CTNNA1: variants seen among roughly 807,000 people sequenced by gnomAD.
CTNNA1 encodes catenin alpha 1.
CTNNA1 carries 37 observed loss-of-function variants against 98.4 expected under a neutral mutation model. The observed-to-expected ratio is 0.38, with a 90% CI of 0.29 to 0.49. The LOEUF (loss-of-function observed/expected upper bound fraction) is 0.49, where lower values mean the gene tolerates loss of function less well. CTNNA1 is among the 20% of genes least tolerant of loss of function. The pLI, the probability that CTNNA1 is intolerant of heterozygous loss-of-function variation, is 0.95. For missense variants in CTNNA1, 761 were observed against 1,147.2 expected (o/e 0.66, Z 4.86); for synonymous variants, 404 against 413.2 (o/e 0.98, Z 0.27).
At chr5:138,783,156 T>C in intron 2 of CTNNA1, 21 bp from the exon 3 acceptor site, 1 of 1,548,184 alleles carries the variant, frequency 6.5e-7, no homozygotes, top group African/African-American at 1.4e-5. Context: ...TCCAGTTTAA[T>C]GTTAAAAATG....
chr5:138,933,255 G>A (rs114831311), intron 17 of CTNNA1, among the ~76,000 whole-genome samples: 146 of 152,240 alleles, frequency 9.6e-4, no homozygotes, highest in Non-Finnish European at 1.5e-3. Flanking sequence ...CTTGGGTAGC[G>A]TCTCTTTCTT....
intron 1 of CTNNA1, among the ~76,000 whole-genome samples, chr5:138,773,039 A>T (rs1403219257): frequency 6.6e-6 from 1 of 152,220 alleles, no homozygotes; most frequent in Non-Finnish European, 1.5e-5. Flanking sequence ...AGGATAAGTG[A>T]CAGTGCTGGT....
intron 7 of CTNNA1, among the ~76,000 whole-genome samples, chr5:138,868,285 G>T (rs1764991997): frequency 6.6e-6 from 1 of 152,208 alleles, no homozygotes; most frequent in Admixed American, 6.5e-5. Flanking sequence ...GGAGCAGGGG[G>T]TTGGCACCCC....
In CTNNA1 at chr5:138,933,788, T is replaced by C. The variant is rs2150358040; in HGVS notation, c.2434-14T>C. The C allele has an allele frequency of 1.9e-6, 3 of 1,610,378 alleles. No homozygotes were observed. The highest frequency in any genetic ancestry group is 1.3e-5 in the African/African-American group (1 of 74,986). Reference sequence around the variant, plus strand: ...TCAGGCCGGTGCTTCTTACCACCCCTGTCTGCCTCGTAGGTGGACAGCGCC... The same window carrying C: ...TCAGGCCGGTGCTTCTTACCACCCCCGTCTGCCTCGTAGGTGGACAGCGCC... On this transcript the variant is annotated splice_polypyrimidine_tract_variant and intron_variant, in intron 17 of 17. Coordinates refer to ENST00000302763, the MANE Select transcript of CTNNA1 (RefSeq NM_001903.5).
At chr5:138,887,891 A>G (rs572584149) in intron 9 of CTNNA1, among the ~76,000 whole-genome samples, 14 of 152,196 alleles carry the variant, frequency 9.2e-5, no homozygotes, top group Non-Finnish European at 1.5e-4. Context: ...CTTAATGCAA[A>G]TAAAGATAAA....
intron 7 of CTNNA1, among the ~76,000 whole-genome samples, chr5:138,864,354 T>C (rs945116617): frequency 5.3e-5 from 8 of 152,190 alleles, no homozygotes; most frequent in Non-Finnish European, 1.0e-4. Flanking sequence ...ACAAATCTTA[T>C]TATGACCATT....
chr5:138,839,123 CA>C (rs978559749), intron 7 of CTNNA1, among the ~76,000 whole-genome samples: 6 of 152,250 alleles, frequency 3.9e-5, no homozygotes, highest in African/African-American at 1.4e-4. Context: ...TGCATGATTT[CA>C]ATTTTTTTTA....
chr5:138,827,424 A>T, intron 6 of CTNNA1, 91 bp from the exon 7 acceptor site: 1 of 1,427,448 alleles, frequency 7.0e-7, no homozygotes, highest in Non-Finnish European at 9.6e-7. Flanking sequence ...TTTTTGTGTT[A>T]AATCTTGATA....
At chr5:138,924,350 G>T (rs1291791605) in intron 11 of CTNNA1, among the ~76,000 whole-genome samples, 160 bp from the exon 12 acceptor site, 1 of 150,100 alleles carries the variant, frequency 6.7e-6, no homozygotes, top group Non-Finnish European at 1.5e-5. Context: ...TTTAGTTTCT[G>T]TCTCTGTCAC....
At chr5:138,865,140 T>A (rs1482083219) in intron 7 of CTNNA1, among the ~76,000 whole-genome samples, 5 of 152,196 alleles carry the variant, frequency 3.3e-5, no homozygotes, top group African/African-American at 1.2e-4. Context: ...TAAATTGTAC[T>A]CCTCGTGTAG....
At chr5:138,875,342 G>T (rs1401719612) in intron 7 of CTNNA1, 1 of 966,420 alleles carries the variant, frequency 1.0e-6, no homozygotes, top group Non-Finnish European at 1.2e-6. Context: ...GAATGGATTT[G>T]CTTATGTGCT....
intron 1 of CTNNA1, among the ~76,000 whole-genome samples, chr5:138,774,923 T>A (rs1002063598): frequency 4.6e-5 from 7 of 152,200 alleles, no homozygotes; most frequent in Non-Finnish European, 7.3e-5. Context: ...CCACCTTTTT[T>A]AAGTTAAGAA....
chr5:138,815,625 T>TA (rs1179394531), intron 5 of CTNNA1, among the ~76,000 whole-genome samples: 1 of 152,230 alleles, frequency 6.6e-6, no homozygotes, highest in African/African-American at 2.4e-5. Context: ...ATTTTGTCCA[T>TA]ACCTATGTAT....
intron 11 of CTNNA1, among the ~76,000 whole-genome samples, chr5:138,920,208 G>C (rs1327306065): frequency 6.6e-6 from 1 of 152,080 alleles, no homozygotes; most frequent in Non-Finnish European, 1.5e-5. Context: ...TCAAACTCCT[G>C]ACCTCAGGTG....
chr5:138,756,054 ATTTT>A (rs1006170614), intron 1 of CTNNA1, among the ~76,000 whole-genome samples: 1 of 115,304 alleles, frequency 8.7e-6, no homozygotes, highest in African/African-American at 3.2e-5. Flanking sequence ...TTATTTATTT[ATTTT>A]GAGATAGTCT....
intron 14 of CTNNA1, among the ~76,000 whole-genome samples, chr5:138,930,113 G>A (rs1220523455): frequency 6.6e-6 from 1 of 152,140 alleles, no homozygotes; most frequent in East Asian, 1.9e-4. Flanking sequence ...GTCCATCAGG[G>A]CCCACCAGGG....
intron 3 of CTNNA1, among the ~76,000 whole-genome samples, chr5:138,803,854 T>TGGAGCCC (rs1757822666): frequency 6.6e-6 from 1 of 152,210 alleles, no homozygotes; most frequent in South Asian, 2.1e-4. Context: ...GTAAGTTCCC[T>TGGAGCCC]GGAGCCCGGG....
At chr5:138,816,138 G>GTATT (rs1253212807) in intron 5 of CTNNA1, among the ~76,000 whole-genome samples, 1 of 152,138 alleles carries the variant, frequency 6.6e-6, no homozygotes, top group Non-Finnish European at 1.5e-5. Flanking sequence ...AGAACATGTG[G>GTATT]TATTTATCTT....
At chr5:138,780,988 G>A (rs76105056) in intron 1 of CTNNA1, among the ~76,000 whole-genome samples, 1 of 152,038 alleles carries the variant, frequency 6.6e-6, no homozygotes, top group Non-Finnish European at 1.5e-5. Flanking sequence ...TCTTAAAGCC[G>A]CTGTCTGACA....
Sources: gnomAD v4.1 joint callset for allele counts (sites outside exome capture counted in the v4.1 genomes callset) on GRCh38, gnomAD v4.1.1 for gene constraint, MANE v1.5 for transcripts, NCBI Gene and HGNC (gene_info 2026-07-23, HGNC 2026-07-21) for gene names.